IL1RAPL1: variants seen among roughly 807,000 people sequenced by gnomAD.
IL1RAPL1 encodes interleukin-1 receptor accessory protein-like 1.
Under a neutral mutation model 48.4 loss-of-function variants are expected in IL1RAPL1, and 3 were observed. The observed-to-expected ratio is 0.06, with a 90% CI of 0.03 to 0.16. The LOEUF (loss-of-function observed/expected upper bound fraction) is 0.16. Ranked by LOEUF, IL1RAPL1 falls within the 10% of genes least tolerant of loss-of-function variation. IL1RAPL1 has a pLI of 1.00. For synonymous variants in IL1RAPL1, 185 were observed against 187.7 expected (o/e 0.99, Z 0.12); for missense variants, 349 against 530.6 (o/e 0.66, Z 3.36).
chrX:29,051,865 G>A, intron 2 of IL1RAPL1, among the ~76,000 whole-genome samples: 1 of 112,215 alleles, frequency 8.9e-6, no homozygotes, highest in Non-Finnish European at 1.9e-5. Context: ...ATGTAGTTGT[G>A]ATTAATTGAC....
At chrX:29,182,991 A>G (rs1246175520) in intron 2 of IL1RAPL1, among the ~76,000 whole-genome samples, 2 of 111,293 alleles carry the variant, frequency 1.8e-5, no homozygotes, top group Non-Finnish European at 3.8e-5. Flanking sequence ...AAAAAGGCAA[A>G]CAGAAGGGAT....
intron 6 of IL1RAPL1, among the ~76,000 whole-genome samples, chrX:29,845,029 G>C (rs1475632382): frequency 8.9e-6 from 1 of 111,837 alleles, no homozygotes; most frequent in African/African-American, 3.2e-5. Flanking sequence ...ACATGGAAAG[G>C]GTTCTTTCTC....
intron 3 of IL1RAPL1, among the ~76,000 whole-genome samples, chrX:29,361,397 G>A (rs902669498): frequency 1.8e-5 from 2 of 111,407 alleles, no homozygotes; most frequent in Non-Finnish European, 3.8e-5. Flanking sequence ...CAAAAGGTGC[G>A]GATACAGTCA....
At chrX:28,757,863 C>A (rs1936122795) in intron 1 of IL1RAPL1, among the ~76,000 whole-genome samples, 1 of 111,420 alleles carries the variant, frequency 9.0e-6, no homozygotes, top group African/African-American at 3.3e-5. Flanking sequence ...CTGTTATTTT[C>A]TTTATCACTC....
chrX:29,032,455 C>T (rs1369304919), intron 2 of IL1RAPL1, among the ~76,000 whole-genome samples: 1 of 111,375 alleles, frequency 9.0e-6, no homozygotes, highest in African/African-American at 3.3e-5. Flanking sequence ...TTGCTAACAG[C>T]TATCTTATAA....
intron 1 of IL1RAPL1, among the ~76,000 whole-genome samples, chrX:28,747,734 C>G (rs1935996041): frequency 1.8e-5 from 2 of 111,996 alleles, no homozygotes; most frequent in African/African-American, 6.5e-5. Flanking sequence ...TTTCTTTTTG[C>G]TGCTCTTAAG....
chrX:29,764,292 G>C (rs1487575557), intron 6 of IL1RAPL1, among the ~76,000 whole-genome samples: 1 of 111,435 alleles, frequency 9.0e-6, no homozygotes, highest in Non-Finnish European at 1.9e-5. Flanking sequence ...GAGGAGATAA[G>C]ATATGGGTGT....
At chrX:29,802,048 T>TAAGAA (rs1247660600) in intron 6 of IL1RAPL1, among the ~76,000 whole-genome samples, 1 of 112,419 alleles carries the variant, frequency 8.9e-6, no homozygotes, top group Non-Finnish European at 1.9e-5. Context: ...TTGGGAACTT[T>TAAGAA]AAGAATAGCA....
chrX:28,703,589 T>G (rs1935327563), intron 1 of IL1RAPL1, among the ~76,000 whole-genome samples: 2 of 111,323 alleles, frequency 1.8e-5, no homozygotes, highest in Admixed American at 1.9e-4. Context: ...TTTTAAGAGA[T>G]CAGAGTGATA....
intron 9 of IL1RAPL1, among the ~76,000 whole-genome samples, chrX:29,948,533 C>T (rs907094629): frequency 1.2e-4 from 13 of 111,152 alleles, no homozygotes; most frequent in Admixed American, 1.1e-3. Context: ...TTTGAAAAAT[C>T]ATATCTTGAA....
At chrX:29,144,873 C>T (rs928935324) in intron 2 of IL1RAPL1, among the ~76,000 whole-genome samples, 4 of 106,885 alleles carry the variant, frequency 3.7e-5, no homozygotes, top group East Asian at 6.0e-4. Context: ...ATTACAGGCG[C>T]GCACCACCAT....
At chrX:29,690,405 T>A (rs139199371) in intron 6 of IL1RAPL1, among the ~76,000 whole-genome samples, 1,396 of 111,848 alleles carry the variant, frequency 0.012, 30 homozygotes, top group African/African-American at 0.043. Context: ...TCTCATTTGA[T>A]CTCAGTATTA....
At chrX:28,599,251 C>CAA (rs771389258) in intron 1 of IL1RAPL1, among the ~76,000 whole-genome samples, 135 of 55,833 alleles carry the variant, frequency 2.4e-3, no homozygotes, top group African/African-American at 7.6e-3. Context: ...GACTCCATCT[C>CAA]AAAAAAAAAA....
chrX:29,870,826 A>G lies in IL1RAPL1; in HGVS notation c.779-46638A>G, dbSNP rs187557483. Among the ~76,000 whole-genome samples, 160 of 112,584 alleles carry G rather than the reference A, an allele frequency of 1.4e-3. 1 individual carries two copies. The highest frequency in any genetic ancestry group is 4.9e-3 in the African/African-American group (152 of 31,034). ...GTGAGATGAGAAAGTGGTTGCAACC[A>G]CAGTGTTAAAAATATGGACTGGAAA... On this transcript the variant is annotated intron_variant, in intron 6 of 10. Coordinates refer to ENST00000378993, the MANE Select transcript of IL1RAPL1 (RefSeq NM_014271.4).
At chrX:29,596,702 C>T (rs1471360672) in intron 5 of IL1RAPL1, among the ~76,000 whole-genome samples, 1 of 111,942 alleles carries the variant, frequency 8.9e-6, no homozygotes, top group East Asian at 2.8e-4. Flanking sequence ...CTTCTGTTTA[C>T]TGATTGGGAT....
chrX:29,434,922 A>G (rs1282569184), intron 5 of IL1RAPL1, among the ~76,000 whole-genome samples: 5 of 111,031 alleles, frequency 4.5e-5, no homozygotes, highest in Admixed American at 9.6e-5. Flanking sequence ...GTCTAATTCT[A>G]GAACATTTCC....
rs139366355 is a variant in IL1RAPL1, at chrX:29,388,836, T to C, written c.363-7422T>C. On this transcript the variant is annotated intron_variant, in intron 3 of 10. Transcript: ENST00000378993. ...TAGCTTTTCTAGTCTTAGAACTAGA[T>C]AGAGGTGATCATTCCAAATCATTAT... 1.3e-4 allele frequency among the ~76,000 whole-genome samples: 14 copies of C among 111,911 alleles called. No individual in the cohort carries two copies. The East Asian group carries it at 3.9e-3, about 31-fold the overall frequency.
intron 5 of IL1RAPL1, chrX:29,574,161 C>T: frequency 9.1e-6 from 1 of 109,662 alleles, no homozygotes; most frequent in Middle Eastern, 4.4e-3. Context: ...GCAAACATGT[C>T]CTATGTGGCT....
chrX:29,818,015 G>A (rs900249673), intron 6 of IL1RAPL1, among the ~76,000 whole-genome samples: 1 of 111,945 alleles, frequency 8.9e-6, no homozygotes, highest in East Asian at 2.8e-4. Flanking sequence ...AGTGTCACAC[G>A]CTGGTTCTAG....
Sources: gnomAD v4.1 joint callset for allele counts (sites outside exome capture counted in the v4.1 genomes callset) on GRCh38, gnomAD v4.1.1 for gene constraint, MANE v1.5 for transcripts, NCBI Gene and HGNC (gene_info 2026-07-23, HGNC 2026-07-21) for gene names.